BLOC1S5: variants seen among roughly 807,000 people sequenced by gnomAD.
BLOC1S5 encodes biogenesis of lysosomal organelles complex 1 subunit 5, also known as biogenesis of lysosome-related organelles complex 1 subunit 5.
In BLOC1S5, 27 loss-of-function variants were observed where a neutral mutation model predicts 24.3. That is an observed-to-expected ratio of 1.11 (90% confidence interval 0.82 to 1.53). The LOEUF is 1.53. BLOC1S5 is among the 40% of genes most tolerant of loss of function. The probability of loss-of-function intolerance (pLI) is 0.00; values close to 1 mark genes in which losing one functional copy is unlikely to be tolerated. For synonymous variants in BLOC1S5, 84 were observed against 74.5 expected (o/e 1.13, Z -0.66); for missense variants, 239 against 229.4 (o/e 1.04, Z -0.27).
intron 2 of BLOC1S5, among the ~76,000 whole-genome samples, chr6:8,052,188 C>T (rs1018668055): frequency 1.3e-5 from 2 of 151,820 alleles, no homozygotes; most frequent in Non-Finnish European, 2.9e-5. Flanking sequence ...AGGATGGTCT[C>T]GATCTCCTGA....
chr6:8,029,306 A>T (rs117967838), intron 3 of BLOC1S5, among the ~76,000 whole-genome samples: 1,992 of 152,258 alleles, frequency 0.013, 30 homozygotes, highest in African/African-American at 0.034. Flanking sequence ...CACTCTGAGG[A>T]GACAGGAACA....
chr6:8,015,541 G>C lies in BLOC1S5; in HGVS notation c.*108C>G. 8.9e-7 allele frequency: 1 copy of C among 1,122,738 alleles called. No homozygotes were observed. The highest frequency in any genetic ancestry group is 1.3e-6 in the Non-Finnish European group (1 of 794,898). 69.5% of individuals were successfully genotyped at this position (1,122,738 alleles called of 1,614,324 possible). ...TTTCTTCTGATATAAGAGTGCCACT[G>C]AATATATTGCTAAGCTTGAAGCAGA... On this transcript the variant is annotated 3_prime_UTR_variant, in exon 5 of 5. Coordinates refer to ENST00000397457, the MANE Select transcript of BLOC1S5 (RefSeq NM_201280.3).
intron 2 of BLOC1S5, 122 bp downstream of exon 2, chr6:8,062,412 C>G: frequency 1.6e-6 from 1 of 638,580 alleles, no homozygotes; most frequent in South Asian, 2.3e-5. Context: ...ATCATTTTTA[C>G]TTTGTATATT....
intron 2 of BLOC1S5, among the ~76,000 whole-genome samples, chr6:8,061,178 G>C (rs1376929510): frequency 6.6e-6 from 1 of 151,948 alleles, no homozygotes; most frequent in Non-Finnish European, 1.5e-5. Flanking sequence ...CACGGTAAAG[G>C]AATAGTCTCT....
intron 4 of BLOC1S5, among the ~76,000 whole-genome samples, chr6:8,024,514 C>CAAAAAAAAAA (rs60853006): frequency 1.5e-5 from 1 of 65,788 alleles, no homozygotes; most frequent in Non-Finnish European, 2.8e-5. Context: ...GACTCCATCT[C>CAAAAAAAAAA]AAAAAAAAAA....
chr6:8,045,744 G>A (rs551962227), intron 2 of BLOC1S5, among the ~76,000 whole-genome samples: 14 of 152,328 alleles, frequency 9.2e-5, no homozygotes, highest in Non-Finnish European at 1.9e-4. Flanking sequence ...ACTTGCATGG[G>A]CACTGTAATC....
chr6:8,017,889 C>T (rs931944656), intron 4 of BLOC1S5: 6 of 152,210 alleles, frequency 3.9e-5, no homozygotes, highest in African/African-American at 9.6e-5. Context: ...GGAAGTTTTA[C>T]GTAGGTAGCT....
chr6:8,018,576 C>T (rs1050945722), intron 4 of BLOC1S5, among the ~76,000 whole-genome samples: 4 of 152,178 alleles, frequency 2.6e-5, no homozygotes, highest in African/African-American at 7.2e-5. Flanking sequence ...ATACCAACCT[C>T]GCTTCAAATT....
intron 3 of BLOC1S5, among the ~76,000 whole-genome samples, chr6:8,034,641 T>C (rs1394388710): frequency 6.6e-6 from 1 of 151,884 alleles, no homozygotes; most frequent in Non-Finnish European, 1.5e-5. Flanking sequence ...AAAAAAAGAA[T>C]TGATGTTGGT....
At chr6:8,024,531 A>AG (rs1763043135) in intron 4 of BLOC1S5, among the ~76,000 whole-genome samples, 1 of 151,438 alleles carries the variant, frequency 6.6e-6, no homozygotes, top group African/African-American at 2.4e-5. Context: ...AAAAAAAAAA[A>AG]AAAAGAAATG....
At chr6:8,060,437 G>A (rs534537341) in intron 2 of BLOC1S5, among the ~76,000 whole-genome samples, 4 of 152,292 alleles carry the variant, frequency 2.6e-5, no homozygotes, top group South Asian at 4.2e-4. Context: ...AGCCAAAGTA[G>A]GAGGAGGCTA....
intron 4 of BLOC1S5, among the ~76,000 whole-genome samples, chr6:8,025,687 A>G (rs1032649374): frequency 2.0e-5 from 3 of 152,162 alleles, no homozygotes; most frequent in African/African-American, 4.8e-5. Flanking sequence ...ATAAATGGAG[A>G]CAGTAACATT....
At chr6:8,033,862 A>G (rs924542827) in intron 3 of BLOC1S5, among the ~76,000 whole-genome samples, 9 of 152,238 alleles carry the variant, frequency 5.9e-5, no homozygotes, top group Non-Finnish European at 1.2e-4. Flanking sequence ...TGTGCAGCCA[A>G]CAGACACATG....
chr6:8,041,310 TC>T (rs757057954), intron 2 of BLOC1S5, 42 bp from the exon 3 acceptor site: 1 of 1,438,954 alleles, frequency 6.9e-7, no homozygotes, highest in Non-Finnish European at 9.1e-7. Context: ...TGGTGTCTTT[TC>T]CTTTTTTTTT....
At chr6:8,019,104 A>G (rs1762832086) in intron 4 of BLOC1S5, among the ~76,000 whole-genome samples, 1 of 152,280 alleles carries the variant, frequency 6.6e-6, no homozygotes, top group South Asian at 2.1e-4. Context: ...CATCAGGCAT[A>G]TCGCTTATTG....
intron 4 of BLOC1S5, among the ~76,000 whole-genome samples, chr6:8,020,632 G>A (rs1371364299): frequency 6.6e-6 from 1 of 152,202 alleles, no homozygotes; most frequent in African/African-American, 2.4e-5. Flanking sequence ...TCTGAGTGAG[G>A]CTGCCCAGCA....
chr6:8,019,607 A>AGG (rs34841856), intron 4 of BLOC1S5, among the ~76,000 whole-genome samples: 3,604 of 145,400 alleles, frequency 0.025, 83 homozygotes, highest in South Asian at 0.077. Flanking sequence ...TAAAGAAAAA[A>AGG]GGGGGGGGGG....
intron 2 of BLOC1S5, among the ~76,000 whole-genome samples, chr6:8,061,946 G>A (rs1025935710): frequency 6.6e-6 from 1 of 152,218 alleles, no homozygotes; most frequent in Non-Finnish European, 1.5e-5. Flanking sequence ...CCTGTGGACA[G>A]AAATAGTATC....
At chr6:8,033,609 A>C (rs1763378234) in intron 3 of BLOC1S5, among the ~76,000 whole-genome samples, 1 of 152,238 alleles carries the variant, frequency 6.6e-6, no homozygotes, top group Non-Finnish European at 1.5e-5. Flanking sequence ...AATGGCAACA[A>C]AAGCCAAAAT....
Sources: gnomAD v4.1 joint callset for allele counts (sites outside exome capture counted in the v4.1 genomes callset) on GRCh38, gnomAD v4.1.1 for gene constraint, MANE v1.5 for transcripts, NCBI Gene and HGNC (gene_info 2026-07-23, HGNC 2026-07-21) for gene names.